The following FAM186A variants were observed in gnomAD, a reference collection of about 807,000 sequenced individuals.
The protein encoded by FAM186A is protein FAM186A.
A neutral mutation model predicts 216.8 loss-of-function variants in FAM186A; 163 were observed. That is an observed-to-expected ratio of 0.75 (90% confidence interval 0.66 to 0.86). The LOEUF is 0.86. Among genes scored for constraint, FAM186A ranks in the 40% least tolerant of loss-of-function variants. FAM186A has a pLI of 0.00. For missense variants in FAM186A, 2,184 were observed against 2,746.2 expected (o/e 0.80, Z 4.58); for synonymous variants, 805 against 1,025.3 (o/e 0.79, Z 4.10).
At chr12:50,375,181 A>C (rs893875636) in intron 1 of FAM186A, among the ~76,000 whole-genome samples, 1 of 151,828 alleles carries the variant, frequency 6.6e-6, no homozygotes, top group Non-Finnish European at 1.5e-5. Context: ...CCATCTCAAA[A>C]AATAAATAAA....
chr12:50,396,453 T>C lies in FAM186A; in HGVS notation c.32A>G (p.Asn11Ser). The C allele has an allele frequency of 6.5e-7, 1 of 1,544,954 alleles. No individual in the cohort carries two copies. Among genetic ancestry groups the C allele is most frequent in the Non-Finnish European group, 8.7e-7 (1 of 1,145,524 alleles). The change falls in exon 1 of 8, where the codon AAT (asparagine) becomes AGT (serine). Residue 11 changes from asparagine (N) to serine (S), a missense_variant. By Grantham distance (46) the Asn-to-Ser change is conservative (BLOSUM62 1). Transcript: ENST00000327337. ...GATGCATTTTTCTGATTCAGGGTCA[T>C]TGTCTATCTCATTTTTCATTTTGAA... MFFKMKNEIDNDPESEKCIKD... is the reference protein window; with the variant it reads MFFKMKNEIDSDPESEKCIKD...
chr12:50,396,023 A>G (rs1353695177), intron 1 of FAM186A, among the ~76,000 whole-genome samples: 1 of 152,176 alleles, frequency 6.6e-6, no homozygotes, highest in Non-Finnish European at 1.5e-5. Context: ...TCGGCCTCCC[A>G]AAGTGCTGGG....
chr12:50,378,253 G>A (rs1054527543), intron 1 of FAM186A, among the ~76,000 whole-genome samples: 15 of 151,306 alleles, frequency 9.9e-5, no homozygotes, highest in African/African-American at 3.2e-4. Context: ...GAAGTCAGCC[G>A]AGCACGGTGG....
chr12:50,337,543 C>A (rs1428381868), intron 4 of FAM186A, among the ~76,000 whole-genome samples: 1 of 150,868 alleles, frequency 6.6e-6, no homozygotes, highest in South Asian at 2.1e-4. Context: ...AAGTGATCCG[C>A]CCACCTCGGT....
At chr12:50,335,424 TCACAA>T (rs1443355338) in intron 4 of FAM186A, among the ~76,000 whole-genome samples, 2 of 151,982 alleles carry the variant, frequency 1.3e-5, no homozygotes, top group African/African-American at 2.4e-5. Context: ...GGCTGGTGGA[TCACAA>T]GGTCAAGAGT....
chr12:50,395,995 C>G (rs908137274), intron 1 of FAM186A, among the ~76,000 whole-genome samples: 1 of 151,786 alleles, frequency 6.6e-6, no homozygotes, highest in African/African-American at 2.4e-5. Flanking sequence ...AACTCCCGAC[C>G]TCAGTGATCC....
intron 1 of FAM186A, chr12:50,365,526 A>G (rs770363044): frequency 5.9e-6 from 2 of 341,422 alleles, no homozygotes; most frequent in Non-Finnish European, 1.1e-5. Flanking sequence ...ACCCCTTCCA[A>G]CTTTATTATT....
At chr12:50,396,255 G>T (rs996248304) in intron 1 of FAM186A, 38 bp downstream of exon 1, 23 of 1,441,048 alleles carry the variant, frequency 1.6e-5, no homozygotes, top group Non-Finnish European at 2.0e-5. Flanking sequence ...AGTTTAAAAA[G>T]AAAATTGCAG....
chr12:50,356,938 G>A (rs550174734), intron 3 of FAM186A, among the ~76,000 whole-genome samples: 8 of 152,196 alleles, frequency 5.3e-5, no homozygotes, highest in South Asian at 4.1e-4. Flanking sequence ...GGCGGAGGTT[G>A]CAGTGAGCCG....
At chr12:50,347,784 A>T (rs1435226388) in intron 4 of FAM186A, among the ~76,000 whole-genome samples, 1 of 152,162 alleles carries the variant, frequency 6.6e-6, no homozygotes, top group African/African-American at 2.4e-5. Context: ...TGATATTTGC[A>T]ACTTTTAAAA....
Position 50,352,045 on chromosome 12 carries a change from G to A in FAM186A, c.4787C>T (p.Ala1596Val), listed in dbSNP as rs552113332. The A allele has an allele frequency of 1.6e-5, 25 of 1,516,740 alleles. 1 individual carries two copies. Among genetic ancestry groups the A allele is most frequent in the Admixed American group, 4.1e-5 (2 of 48,838 alleles). The allele number at this position is 1,516,740 out of a possible 1,614,324, so 94.0% of individuals were successfully genotyped here. ...GGTGAGAGGGATCCCCAGTTCCTGC[G>A]CCTGCTGAGGGGTGAGAGGGATCCC... ...ELGIPLTPQQ[A>V]QELGIPLTPQ... is the part of the protein sequence containing the mutation. Residue 1596 changes from alanine (A) to valine (V), a missense_variant, in exon 4 of 8, where the codon GCG becomes GTG. Physicochemically the swap from Ala to Val is moderately conservative, Grantham distance 64. Coordinates refer to ENST00000327337, the MANE Select transcript of FAM186A (RefSeq NM_001145475.3).
intron 1 of FAM186A, among the ~76,000 whole-genome samples, chr12:50,371,396 C>T (rs578239439): frequency 2.0e-5 from 3 of 152,000 alleles, no homozygotes; most frequent in African/African-American, 7.2e-5. Context: ...GGATTACAGG[C>T]GTGAGCCACC....
Position 50,355,168 on chromosome 12 carries a change from G to T in FAM186A, c.1664C>A (p.Pro555Gln). 1 of 1,551,640 alleles carries T rather than the reference G, an allele frequency of 6.4e-7. No homozygotes were observed. The highest frequency in any genetic ancestry group is 8.7e-7 in the Non-Finnish European group (1 of 1,146,996). ...EQFRKVKRES[P>Q]FDKRPTAAEI... ...TGCTGCAGTTGGACGTTTGTCAAAT[G>T]GAGATTCACGTTTGACCTTCCTAAA... The change falls in exon 4 of 8, where the codon CCA (proline) becomes CAA (glutamine). Residue 555 changes from proline (P) to glutamine (Q), a missense_variant. Physicochemically the swap from Pro to Gln is moderately conservative, Grantham distance 76. Around this residue, in one of 7 missense-constraint regions of FAM186A, gnomAD observed 1,132 missense variants for 1,263.4 expected, o/e 0.90. Transcript: ENST00000327337.
At chr12:50,350,299 A>C (rs1254680315) in intron 4 of FAM186A, 30 bp downstream of exon 4, 2 of 1,483,490 alleles carry the variant, frequency 1.3e-6, no homozygotes, top group African/African-American at 2.8e-5. Context: ...GAACTAAACC[A>C]GAAAACTAGA....
chr12:50,380,910 G>GT (rs1416976972), intron 1 of FAM186A, among the ~76,000 whole-genome samples: 1 of 152,222 alleles, frequency 6.6e-6, no homozygotes, highest in Admixed American at 6.5e-5. Flanking sequence ...ATGTGAGCAA[G>GT]TGAGCATTGG....
intron 5 of FAM186A, 32 bp downstream of exon 5, chr12:50,333,879 A>T: frequency 6.5e-7 from 1 of 1,537,088 alleles, no homozygotes; most frequent in Non-Finnish European, 8.8e-7. Flanking sequence ...TTTTTACAAC[A>T]TGCTGGACAG....
intron 1 of FAM186A, among the ~76,000 whole-genome samples, chr12:50,375,309 A>G (rs1757369794): frequency 6.6e-6 from 1 of 152,174 alleles, no homozygotes; most frequent in Admixed American, 6.6e-5. Flanking sequence ...GCAATTTGGG[A>G]GGCCAAGGTG....
Position 50,350,970 on chromosome 12 carries a change from T to C in FAM186A, c.5862A>G (p.Lys1954=), listed in dbSNP as rs10506292. ...TCAGAGAAGAAATAATTGCCAATCT[T>C]TTCTTAGCAACAGAAGGGGACCAAC... ...QKSWSPSVAK[K]RLAIISSLKS... The change falls in exon 4 of 8, where the codon AAA becomes AAG. Residue 1954 remains lysine, a synonymous_variant. Coordinates refer to ENST00000327337, the MANE Select transcript of FAM186A (RefSeq NM_001145475.3). The C allele has an allele frequency of 0.65, 1,011,112 of 1,551,106 alleles. 332,723 individuals carry two copies. The highest frequency in any genetic ancestry group is 0.76 in the Admixed American group (38,676 of 50,906).
intron 4 of FAM186A, among the ~76,000 whole-genome samples, chr12:50,343,530 G>A (rs1244337163): frequency 1.3e-5 from 2 of 152,162 alleles, no homozygotes; most frequent in Non-Finnish European, 2.9e-5. Flanking sequence ...TCCGTCTCCC[G>A]GGCTCAAGCA....
Sources: gnomAD v4.1 joint callset for allele counts (sites outside exome capture counted in the v4.1 genomes callset) on GRCh38, gnomAD v4.1.1 for gene constraint, gnomAD v4.1.1 regional missense constraint, MANE v1.5 for transcripts, NCBI Gene and HGNC (gene_info 2026-07-23, HGNC 2026-07-21) for gene names.